The following ARAP2 variants were observed in gnomAD, a reference collection of about 807,000 sequenced individuals.
The protein encoded by ARAP2 is arf-GAP with Rho-GAP domain, ANK repeat and PH domain-containing protein 2.
A neutral mutation model predicts 194.5 loss-of-function variants in ARAP2; 148 were observed. The ratio of observed to expected loss-of-function variants is 0.76; its 90% CI spans 0.67 to 0.87. The LOEUF (loss-of-function observed/expected upper bound fraction) is 0.87. Ranked by LOEUF, ARAP2 falls within the 40% of genes least tolerant of loss-of-function variation. The pLI is 0.00. For synonymous variants in ARAP2, 695 were observed against 683.5 expected, an observed-to-expected ratio of 1.02 and a Z score of -0.26; for missense variants, 2,128 against 1,989.7, an observed-to-expected ratio of 1.07 and a Z score of -1.32.
chr4:36,008,063 AATGACCC>A, intron 9 of ARAP2, among the ~76,000 whole-genome samples: 1 of 152,146 alleles, frequency 6.6e-6, no homozygotes, highest in Non-Finnish European at 1.5e-5. Flanking sequence ...TAAATTGAAA[AATGACCC>A]AAGCTTATGG....
intron 5 of ARAP2, among the ~76,000 whole-genome samples, chr4:36,025,782 G>A (rs1487816645): frequency 6.6e-6 from 1 of 151,446 alleles, no homozygotes; most frequent in Non-Finnish European, 1.5e-5. Context: ...GTATACTCAG[G>A]AAAAAAATCA....
At chr4:36,128,428 G>A in intron 21 of ARAP2, 105 bp downstream of exon 21, 1 of 826,402 alleles carries the variant, frequency 1.2e-6, no homozygotes, top group South Asian at 2.1e-5. Flanking sequence ...TATCAAAGAT[G>A]TTTAAAGTCT....
chr4:36,099,727 C>T (rs1157545100), intron 27 of ARAP2, among the ~76,000 whole-genome samples: 1 of 152,090 alleles, frequency 6.6e-6, no homozygotes, highest in Admixed American at 6.6e-5. Flanking sequence ...TGAATGACAA[C>T]CACATTCTCT....
At chr4:36,075,396 A>T (rs1728031453) in intron 31 of ARAP2, among the ~76,000 whole-genome samples, 1 of 152,134 alleles carries the variant, frequency 6.6e-6, no homozygotes, top group South Asian at 2.1e-4. Flanking sequence ...TTATTTGTAA[A>T]TGACTTCAAA....
intron 32 of ARAP2, among the ~76,000 whole-genome samples, chr4:36,069,040 TTTTG>T (rs1577725224): frequency 6.6e-6 from 1 of 152,196 alleles, no homozygotes; most frequent in African/African-American, 2.4e-5. Context: ...TTTTTTTTCC[TTTTG>T]TTTAATTAGT....
chr4:36,226,960 T>C (rs1452090735), intron 2 of ARAP2, among the ~76,000 whole-genome samples: 1 of 152,238 alleles, frequency 6.6e-6, no homozygotes, highest in Non-Finnish European at 1.5e-5. Flanking sequence ...TCATTTCTCA[T>C]TCACCTTCTT....
chr4:36,118,875 T>C (rs1258412854), intron 24 of ARAP2, among the ~76,000 whole-genome samples: 3 of 151,442 alleles, frequency 2.0e-5, no homozygotes, highest in Non-Finnish European at 4.4e-5. Context: ...GGAATGACAG[T>C]TTCAATGACT....
intron 5 of ARAP2, among the ~76,000 whole-genome samples, chr4:36,040,033 G>A (rs1370931295): frequency 1.3e-5 from 2 of 152,162 alleles, no homozygotes; most frequent in Non-Finnish European, 2.9e-5. Context: ...AGAGGGATTT[G>A]TATGAGAAAG....
intron 5 of ARAP2, among the ~76,000 whole-genome samples, chr4:36,031,400 T>C (rs1718926337): frequency 6.6e-6 from 1 of 152,194 alleles, no homozygotes; most frequent in African/African-American, 2.4e-5. Flanking sequence ...GCTTAGTCAC[T>C]GAATTCACTC....
At chr4:36,134,108 G>A (rs1726080548) in intron 19 of ARAP2, among the ~76,000 whole-genome samples, 1 of 151,652 alleles carries the variant, frequency 6.6e-6, no homozygotes, top group Admixed American at 6.6e-5. Context: ...CTTTAGACAA[G>A]TCAACCTTAT....
rs772527573 is a variant in ARAP2, at chr4:36,080,210, T to G, written c.4608+6A>C. ...CTCTACTGGATAGTTCAAACAAATC[T>G]CGTACCTGGGCAATAAAGATACTGG... On this transcript the variant is annotated splice_donor_region_variant and intron_variant, in intron 31 of 32. Coordinates refer to ENST00000303965, the MANE Select transcript of ARAP2 (RefSeq NM_015230.4). 10 of 1,611,208 alleles carry G rather than the reference T, an allele frequency of 6.2e-6. No homozygotes were observed. The African/African-American group carries it at 1.3e-4, about 22-fold the overall frequency.
chr4:36,075,213 C>T (rs564246815), intron 31 of ARAP2, among the ~76,000 whole-genome samples: 7 of 152,216 alleles, frequency 4.6e-5, no homozygotes, highest in East Asian at 3.9e-4. Context: ...GTAGTGCATA[C>T]GCTAAAATAT....
At chr4:36,208,987 T>C (rs2109262315) in intron 6 of ARAP2, among the ~76,000 whole-genome samples, 1 of 152,280 alleles carries the variant, frequency 6.6e-6, no homozygotes, top group Non-Finnish European at 1.5e-5. Flanking sequence ...GAATATATTG[T>C]AACTGTCCCA....
intron 23 of ARAP2, among the ~76,000 whole-genome samples, chr4:36,120,665 G>A (rs1182864050): frequency 6.6e-6 from 1 of 151,540 alleles, no homozygotes; most frequent in Non-Finnish European, 1.5e-5. Flanking sequence ...GTTTTCTGAT[G>A]AAACATGAAA....
At position 36,093,046 on chromosome 4, in the gene ARAP2, T is replaced by C. The variant is rs187968847; in HGVS notation, c.4286-1026A>G. On this transcript the variant is annotated intron_variant, in intron 27 of 32. Coordinates refer to ENST00000303965, the MANE Select transcript of ARAP2 (RefSeq NM_015230.4). ...GGCCATAAAAAGGAATAAGATCATG[T>C]CCTTTGCAGGGACATGATGGAGCTG... Among the ~76,000 whole-genome samples the C allele has an allele frequency of 9.3e-4, 141 of 152,282 alleles. 1 individual carries two copies. Among genetic ancestry groups the C allele is most frequent in the African/African-American group, 3.3e-3 (136 of 41,574 alleles).
At chr4:36,236,651 A>G (rs1398655462) in intron 1 of ARAP2, among the ~76,000 whole-genome samples, 1 of 152,214 alleles carries the variant, frequency 6.6e-6, no homozygotes, top group Admixed American at 6.5e-5. Context: ...AACATTATCA[A>G]TACAAGTCTT....
chr4:36,081,177 A>C (rs2109344861), intron 30 of ARAP2, among the ~76,000 whole-genome samples: 1 of 152,268 alleles, frequency 6.6e-6, no homozygotes, highest in East Asian at 1.9e-4. Flanking sequence ...TCCTGCCACA[A>C]ATCATTTTAA....
intron 8 of ARAP2, among the ~76,000 whole-genome samples, chr4:36,182,672 T>C (rs1739566594): frequency 6.6e-6 from 1 of 151,878 alleles, no homozygotes; most frequent in Admixed American, 6.6e-5. Flanking sequence ...AGCAGTGGAG[T>C]TGTTGAGAAT....
At chr4:36,075,227 T>C (rs1034257018) in intron 31 of ARAP2, among the ~76,000 whole-genome samples, 2 of 152,138 alleles carry the variant, frequency 1.3e-5, no homozygotes, top group Non-Finnish European at 2.9e-5. Flanking sequence ...AAAATATATT[T>C]TGAAGAATCT....
Sources: allele counts gnomAD v4.1 joint callset (sites outside exome capture counted in the v4.1 genomes callset), GRCh38; gene constraint gnomAD v4.1.1; transcripts MANE v1.5; gene names NCBI Gene and HGNC (gene_info 2026-07-23, HGNC 2026-07-21).